KDM4A: variants seen among roughly 807,000 people sequenced by gnomAD.
KDM4A encodes lysine demethylase 4A, also known as lysine-specific demethylase 4A.
Under a neutral mutation model 127.1 loss-of-function variants are expected in KDM4A, and 23 were observed. The ratio of observed to expected loss-of-function variants is 0.18; its 90% CI spans 0.13 to 0.26. The LOEUF (loss-of-function observed/expected upper bound fraction) is 0.26, where lower values mean the gene tolerates loss of function less well. Ranked by LOEUF, KDM4A falls within the 10% of genes least tolerant of loss-of-function variation. The probability of loss-of-function intolerance (pLI) is 1.00; values close to 1 mark genes in which losing one functional copy is unlikely to be tolerated. For synonymous variants in KDM4A, 443 were observed against 466.5 expected (o/e 0.95, Z 0.65); for missense variants, 890 against 1,329.1 (o/e 0.67, Z 5.14).
intron 9 of KDM4A, 105 bp from the exon 10 acceptor site, chr1:43,668,995 C>A: frequency 8.5e-7 from 1 of 1,179,388 alleles, no homozygotes; most frequent in Non-Finnish European, 1.2e-6. Context: ...CCAGGCCTGA[C>A]AGGCTCTGGC....
chr1:43,668,117 G>GTTTTGT lies in KDM4A; in HGVS notation c.1163+122_1163+127dup, dbSNP rs3838463. 5.5e-4 allele frequency: 838 copies of GTTTTGT among 1,509,988 alleles called. 2 individuals carry two copies. The African/African-American group carries it at 9.1e-3, about 16-fold the overall frequency. 93.5% of individuals were successfully genotyped at this position (1,509,988 alleles called of 1,614,324 possible). A position where few individuals can be genotyped will look rare whatever the true frequency, so the allele number is the denominator to read the frequency against. On this transcript the variant is annotated intron_variant, in intron 9 of 21. Coordinates refer to ENST00000372396, the MANE Select transcript of KDM4A (RefSeq NM_014663.3). The stretch of plus-strand genomic sequence containing the variant: ...GGCTGTTTCTTGTTTTTTTTGTTTT[G>GTTTTGT]TTTTGTTTTTGTTTTTGTTTTTGTT...
chr1:43,676,228 T>G (rs1435611604), intron 11 of KDM4A, among the ~76,000 whole-genome samples: 1 of 152,128 alleles, frequency 6.6e-6, no homozygotes, highest in Non-Finnish European at 1.5e-5. Flanking sequence ...AGGTTGAGGC[T>G]GCAATGAGCC....
chr1:43,678,681 A>G (rs896528888), intron 11 of KDM4A, among the ~76,000 whole-genome samples: 2 of 148,906 alleles, frequency 1.3e-5, no homozygotes, highest in African/African-American at 5.0e-5. Context: ...TCGACCTCCC[A>G]GGCTTAACTG....
intron 5 of KDM4A, among the ~76,000 whole-genome samples, chr1:43,665,317 T>TA (rs1168292517): frequency 1.3e-5 from 2 of 152,182 alleles, no homozygotes; most frequent in Non-Finnish European, 2.9e-5. Flanking sequence ...TTCAAGCATT[T>TA]AAAAATACTG....
chr1:43,653,006 A>G (rs554615743), intron 1 of KDM4A, 131 bp from the exon 2 acceptor site: 3 of 469,744 alleles, frequency 6.4e-6, no homozygotes, highest in East Asian at 4.0e-5. Flanking sequence ...TTCTAGAGGT[A>G]GATTCCAGGT....
chr1:43,680,744 G>A (rs558805998), intron 11 of KDM4A, among the ~76,000 whole-genome samples: 11 of 152,264 alleles, frequency 7.2e-5, no homozygotes, highest in East Asian at 1.9e-4. Context: ...CACATCACTC[G>A]GACAGACTCT....
chr1:43,697,192 G>A (rs559216903), intron 18 of KDM4A, among the ~76,000 whole-genome samples: 1 of 152,348 alleles, frequency 6.6e-6, no homozygotes, highest in East Asian at 1.9e-4. Context: ...GAACAGCAAG[G>A]GGGGCCAGCA....
intron 20 of KDM4A, 62 bp from the exon 21 acceptor site, chr1:43,703,958 C>T (rs952824301): frequency 4.1e-6 from 6 of 1,446,956 alleles, no homozygotes; most frequent in Non-Finnish European, 5.8e-6. Flanking sequence ...TGCCACTGTG[C>T]ATGGTGGACC....
chr1:43,657,258 A>G (rs937435372), intron 3 of KDM4A, among the ~76,000 whole-genome samples: 2 of 151,412 alleles, frequency 1.3e-5, no homozygotes, highest in Non-Finnish European at 2.9e-5. Context: ...GCTAGAGTGC[A>G]GTGGCGTGAT....
intron 11 of KDM4A, among the ~76,000 whole-genome samples, chr1:43,675,120 T>A (rs1660711914): frequency 6.6e-6 from 1 of 152,260 alleles, no homozygotes. Flanking sequence ...CCGAGCCTGA[T>A]GATAATACCC....
rs375834594 is a variant in KDM4A, at chr1:43,669,190, G to T, written c.1254G>T (p.Glu418Asp). 6.2e-7 allele frequency: 1 copy of T among 1,614,228 alleles called. No homozygotes were observed. The highest frequency in any genetic ancestry group is 1.7e-5 in the Admixed American group (1 of 60,022). Residue 418 changes from glutamate (E) to aspartate (D), a missense_variant, in exon 10 of 22, where the codon GAG (glutamate) becomes GAT (aspartate). Around this residue, in one of 7 missense-constraint regions of KDM4A, gnomAD observed 389 missense variants for 485.9 expected, o/e 0.80. Transcript: ENST00000372396. ...GTCAGAGTGAGCTCTTCCCCAAGGA[G>T]GATCTGAGTTCTGAGCAGTATGAGA... ...EVSQSELFPK[E>D]DLSSEQYEMT...
In KDM4A at chr1:43,688,168, T is replaced by C. The variant is rs1036302599; in HGVS notation, c.1856-746T>C. On this transcript the variant is annotated intron_variant, in intron 12 of 21. Coordinates refer to ENST00000372396, the MANE Select transcript of KDM4A (RefSeq NM_014663.3). This position sits in a 1 kb window ranked among gnomAD's most constrained non-coding sequence, Gnocchi z 4.4. ...GGCTGTGGTGAGCTATGATCGCACA[T>C]GTAAATAGCCACTGTACTCCAGCCT... 1.2e-4 allele frequency among the ~76,000 whole-genome samples: 18 copies of C among 152,118 alleles called. No homozygotes were observed. The highest frequency in any genetic ancestry group is 2.7e-4 in the African/African-American group (11 of 41,424).
At chr1:43,655,235 T>C (rs903572554) in intron 2 of KDM4A, among the ~76,000 whole-genome samples, 3 of 152,188 alleles carry the variant, frequency 2.0e-5, no homozygotes, top group Non-Finnish European at 4.4e-5. Flanking sequence ...TGTACAAGTA[T>C]AGAGTTGACC....
Position 43,703,655 on chromosome 1 carries a change from G to C in KDM4A, c.2880G>C (p.Gly960=). 6.2e-7 allele frequency: 1 copy of C among 1,614,072 alleles called. No homozygotes were observed. Among genetic ancestry groups the C allele is most frequent in the South Asian group, 1.1e-5 (1 of 91,084 alleles). Residue 960 remains glycine (G), a synonymous_variant, in exon 20 of 22, where the codon GGG becomes GGC. Coordinates refer to ENST00000372396, the MANE Select transcript of KDM4A (RefSeq NM_014663.3). ...DCLQFGPPAE[G]EVVQVRWTDG... is the part of the protein sequence containing the mutation. The stretch of plus-strand genomic sequence containing the variant: ...TCCAGTTTGGTCCTCCTGCTGAAGG[G>C]GAAGTGGTCCAAGTGAGATGGACAG...
At chr1:43,665,578 C>T in intron 5 of KDM4A, 118 bp from the exon 6 acceptor site, 1 of 811,778 alleles carries the variant, frequency 1.2e-6, no homozygotes, top group Non-Finnish European at 2.1e-6. Flanking sequence ...TTCCTTTCTA[C>T]TGCTTGGGAA....
chr1:43,666,221 C>G (rs1660499191), intron 6 of KDM4A: 2 of 502,504 alleles, frequency 4.0e-6, no homozygotes, highest in African/African-American at 3.9e-5. Flanking sequence ...CTTGGGTGAC[C>G]TTGGTTTCCC....
chr1:43,702,731 G>A (rs911644152), intron 19 of KDM4A: 5 of 152,062 alleles, frequency 3.3e-5, no homozygotes, highest in Non-Finnish European at 7.4e-5. Context: ...CATCTTTCCT[G>A]TTAAGAACAT....
chr1:43,661,608 C>CAAAAAAA (rs34131801), intron 4 of KDM4A, among the ~76,000 whole-genome samples: 3 of 40,868 alleles, frequency 7.3e-5, no homozygotes, highest in African/African-American at 1.3e-4. Context: ...GACTCTGTCT[C>CAAAAAAA]AAAAAAAAAA....
intron 11 of KDM4A, 93 bp from the exon 12 acceptor site, chr1:43,683,591 C>A: frequency 1.4e-6 from 2 of 1,411,242 alleles, no homozygotes; most frequent in Non-Finnish European, 1.9e-6. Flanking sequence ...TTTCTCTGTG[C>A]CCCTCTCTTT....
Sources: allele counts gnomAD v4.1 joint callset (sites outside exome capture counted in the v4.1 genomes callset), GRCh38; gene constraint gnomAD v4.1.1; regional missense constraint gnomAD v4.1.1; non-coding constraint Gnocchi (gnomAD v3.1); transcripts MANE v1.5; gene names NCBI Gene and HGNC (gene_info 2026-07-23, HGNC 2026-07-21).